The following RNPS1 variants were observed in gnomAD, a reference collection of about 807,000 sequenced individuals.
RNPS1 encodes the protein RNA binding protein with serine rich domain 1.
For synonymous variants in RNPS1, 147 were observed against 150.0 expected (o/e 0.98, Z 0.15); for missense variants, 300 against 427.6 (o/e 0.70, Z 2.63).
In RNPS1 at chr16:2,264,655, G is replaced by A. The variant is rs750428374; in HGVS notation, c.-12C>T. 1.9e-6 allele frequency: 3 copies of A among 1,611,006 alleles called. No individual in the cohort carries two copies. The highest frequency in any genetic ancestry group is 2.5e-6 in the Non-Finnish European group (3 of 1,179,788). ...CCTGATAAATCCATTCTCCCCTTCT[G>A]AGGTGTTCAAAGCAGCAATGGCGGC... On this transcript the variant is annotated 5_prime_UTR_variant, in exon 2 of 8. Coordinates refer to ENST00000320225, the MANE Select transcript of RNPS1 (RefSeq NM_080594.4).
At chr16:2,266,849 T>C (rs768035784) in intron 1 of RNPS1, 4 of 422,638 alleles carry the variant, frequency 9.5e-6, no homozygotes, top group Non-Finnish European at 1.3e-5. Flanking sequence ...AACATAAACA[T>C]CTAATAAAAG....
chr16:2,254,739 C>CA, intron 7 of RNPS1, among the ~76,000 whole-genome samples: 1 of 120,980 alleles, frequency 8.3e-6, no homozygotes, highest in Non-Finnish European at 1.7e-5. Flanking sequence ...CAAAGTTTTA[C>CA]CTTTTTTTTT....
intron 6 of RNPS1, among the ~76,000 whole-genome samples, chr16:2,259,867 C>T (rs1467698806): frequency 1.3e-5 from 2 of 152,094 alleles, no homozygotes; most frequent in East Asian, 1.9e-4. Flanking sequence ...CCAGCCTGGG[C>T]GACAGAGCGA....
chr16:2,263,052 G>C (rs1214663128), intron 4 of RNPS1, 44 bp downstream of exon 4: 3 of 1,588,786 alleles, frequency 1.9e-6, no homozygotes, highest in Admixed American at 1.7e-5. Context: ...TAAATCTGTA[G>C]CCCCGAGCTT....
chr16:2,264,033 A>G (rs1215751703), intron 3 of RNPS1, 143 bp downstream of exon 3: 1 of 987,066 alleles, frequency 1.0e-6, no homozygotes, highest in African/African-American at 1.6e-5. Context: ...GCACCTAGCC[A>G]GTCTGCCATA....
At chr16:2,267,420 C>G in intron 1 of RNPS1, 1 of 977,222 alleles carries the variant, frequency 1.0e-6, no homozygotes, top group Non-Finnish European at 1.2e-6. Flanking sequence ...ATCCGCCCCT[C>G]TGGGGTAACC....
chr16:2,267,726 G>T (rs991678742), intron 1 of RNPS1: 2 of 1,271,720 alleles, frequency 1.6e-6, no homozygotes, highest in African/African-American at 3.2e-5. Context: ...TTGGGGGCTT[G>T]GGTCTCCGGC....
chr16:2,261,002 C>T (rs986936687), intron 6 of RNPS1, among the ~76,000 whole-genome samples: 11 of 151,974 alleles, frequency 7.2e-5, no homozygotes, highest in East Asian at 1.9e-4. Flanking sequence ...TGGTGGTGGG[C>T]GCCTGTAGTC....
At chr16:2,263,068 C>G (rs1567326758) in intron 4 of RNPS1, 28 bp downstream of exon 4, 1 of 1,606,466 alleles carries the variant, frequency 6.2e-7, no homozygotes, top group Non-Finnish European at 8.5e-7. Flanking sequence ...AGCTTGTAAA[C>G]TTTAGCTCCC....
intron 6 of RNPS1, among the ~76,000 whole-genome samples, chr16:2,260,153 T>C (rs1342464066): frequency 1.5e-5 from 2 of 134,626 alleles, no homozygotes; most frequent in East Asian, 2.1e-4. Context: ...TATTCTTTTT[T>C]TTTTTTTTTT....
intron 1 of RNPS1, chr16:2,267,023 C>A (rs537956374): frequency 1.3e-5 from 5 of 392,590 alleles, no homozygotes; most frequent in African/African-American, 4.4e-5. Flanking sequence ...CCCCACCCCC[C>A]CAAGAACTAA....
chr16:2,256,101 G>T, intron 6 of RNPS1: 1 of 199,424 alleles, frequency 5.0e-6, no homozygotes, highest in Non-Finnish European at 1.0e-5. Context: ...CTCCAGCCTG[G>T]GTAACAAGAG....
chr16:2,262,193 G>A (rs184804790), intron 6 of RNPS1, 85 bp downstream of exon 6: 921 of 1,363,642 alleles, frequency 6.8e-4, no homozygotes, highest in Non-Finnish European at 8.2e-4. Flanking sequence ...ACAAAAAGAA[G>A]TGCAGCCCAG....
At chr16:2,254,163 A>G in intron 7 of RNPS1, 100 bp from the exon 8 acceptor site, 3 of 859,304 alleles carry the variant, frequency 3.5e-6, no homozygotes, top group Non-Finnish European at 5.1e-6. Flanking sequence ...TTGAGATGGA[A>G]TATCACTCTG....
chr16:2,258,692 C>T (rs1482938921), intron 6 of RNPS1: 2 of 152,116 alleles, frequency 1.3e-5, no homozygotes, highest in Admixed American at 6.5e-5. Context: ...TGCCACTGCA[C>T]ACCAGCGTGG....
chr16:2,265,117 GA>G lies in RNPS1; in HGVS notation c.-117-358del, dbSNP rs560177462. ...GCACCACATTCACATGCAGAACAGA[GA>G]AAAACCTAACTCAAGGGTGGTCTCC... On this transcript the variant is annotated intron_variant, in intron 1 of 7. Coordinates refer to ENST00000320225, the MANE Select transcript of RNPS1 (RefSeq NM_080594.4). 4.2e-4 allele frequency: 66 copies of G among 156,252 alleles called. 1 individual carries two copies. The South Asian group carries it at 0.012, about 29-fold the overall frequency. 9.7% of individuals were successfully genotyped at this position (156,252 alleles called of 1,614,324 possible).
chr16:2,265,332 T>G (rs910591745), intron 1 of RNPS1: 1 of 152,256 alleles, frequency 6.6e-6, no homozygotes, highest in African/African-American at 2.4e-5. Context: ...AAAGCAGTTA[T>G]TGCACTGTAC....
At chr16:2,254,774 C>T (rs1206399949) in intron 7 of RNPS1, among the ~76,000 whole-genome samples, 1 of 135,532 alleles carries the variant, frequency 7.4e-6, no homozygotes, top group Non-Finnish European at 1.5e-5. Flanking sequence ...TGGAGTCTCA[C>T]TCTGTTGCCC....
At chr16:2,264,102 C>T in intron 3 of RNPS1, 74 bp downstream of exon 3, 1 of 1,546,878 alleles carries the variant, frequency 6.5e-7, no homozygotes, top group South Asian at 1.1e-5. Flanking sequence ...ATCAAGAAAA[C>T]CGAGCCATCT....
Sources: allele counts gnomAD v4.1 joint callset (sites outside exome capture counted in the v4.1 genomes callset), GRCh38; gene constraint gnomAD v4.1.1; transcripts MANE v1.5; gene names NCBI Gene and HGNC (gene_info 2026-07-23, HGNC 2026-07-21).